RNF111: variants seen among roughly 807,000 people sequenced by gnomAD.
The protein encoded by RNF111 is E3 ubiquitin-protein ligase Arkadia.
RNF111 carries 17 observed loss-of-function variants against 95.1 expected under a neutral mutation model. The ratio of observed to expected loss-of-function variants is 0.18; its 90% CI spans 0.12 to 0.27. RNF111 has a LOEUF of 0.27. Ranked by LOEUF, RNF111 falls within the 10% of genes least tolerant of loss-of-function variation. RNF111 has a pLI of 1.00. For missense variants in RNF111, 1,189 were observed against 1,210.4 expected (o/e 0.98, Z 0.26); for synonymous variants, 440 against 414.8 (o/e 1.06, Z -0.74).
At chr15:59,077,736 A>G (rs554514685) in intron 7 of RNF111, among the ~76,000 whole-genome samples, 203 of 152,352 alleles carry the variant, frequency 1.3e-3, no homozygotes, top group Non-Finnish European at 2.7e-3. Flanking sequence ...GCTATGTCAG[A>G]GGGCTAAACT....
At chr15:59,022,891 C>G (rs1365722710) in intron 1 of RNF111, among the ~76,000 whole-genome samples, 1 of 152,172 alleles carries the variant, frequency 6.6e-6, no homozygotes. Context: ...CTGGTTAATG[C>G]AGAAGTATGA....
chr15:59,035,649 C>A (rs1464412487), intron 2 of RNF111, among the ~76,000 whole-genome samples: 1 of 152,160 alleles, frequency 6.6e-6, no homozygotes, highest in East Asian at 1.9e-4. Flanking sequence ...TTAGAAATTA[C>A]TTTTGCATAT....
chr15:58,993,909 A>C (rs540080361), intron 1 of RNF111, among the ~76,000 whole-genome samples: 1 of 152,132 alleles, frequency 6.6e-6, no homozygotes, highest in Non-Finnish European at 1.5e-5. Flanking sequence ...GAAATTCTAT[A>C]TATGGCTAGG....
Position 59,031,252 on chromosome 15 carries a change from A to T in RNF111, c.430A>T (p.Ser144Cys), listed in dbSNP as rs755908608. 6.2e-7 allele frequency: 1 copy of T among 1,614,146 alleles called. No homozygotes were observed. Among genetic ancestry groups the T allele is most frequent in the Admixed American group, 1.7e-5 (1 of 60,020 alleles). The part of the protein sequence containing the change: ...FSDCLSSPSS[S>C]LHFGDSDTVT... Reference sequence around the variant, plus strand: ...TGATTGTCTTTCTTCTCCTTCATCTAGTCTGCATTTTGGAGATTCTGATAC... The same window carrying T: ...TGATTGTCTTTCTTCTCCTTCATCTTGTCTGCATTTTGGAGATTCTGATAC... Residue 144 changes from serine (S) to cysteine (C), a missense_variant, in exon 2 of 14, where the codon AGT (serine) becomes TGT (cysteine). Around this residue, in one of 2 missense-constraint regions of RNF111, gnomAD observed 1,024 missense variants for 925.9 expected, o/e 1.11. Coordinates refer to ENST00000348370, the MANE Select transcript of RNF111 (RefSeq NM_017610.8).
Position 59,085,709 on chromosome 15 carries a change from C to T in RNF111, c.2474C>T (p.Ala825Val), listed in dbSNP as rs1413546773. Residue 825 changes from alanine (A) to valine (V), a missense_variant, in exon 10 of 14, where the codon GCA becomes GTA. Transcript: ENST00000348370. ...ACTGCAGCTACTTATACACCTGGTG[C>T]ATTGCATCCTCACTTGGCCCATTAT... ...GVTAATYTPG[A>V]LHPHLAHYHA... is the part of the protein sequence containing the mutation. 1 of 1,613,428 alleles carries T rather than the reference C, an allele frequency of 6.2e-7. No homozygotes were observed. Among genetic ancestry groups the T allele is most frequent in the East Asian group, 2.2e-5 (1 of 44,848 alleles).
intron 8 of RNF111, among the ~76,000 whole-genome samples, chr15:59,083,030 TC>T (rs1250977195): frequency 6.6e-6 from 1 of 152,092 alleles, no homozygotes; most frequent in Non-Finnish European, 1.5e-5. Context: ...ACACCTTTAG[TC>T]CCAGCTACTC....
chr15:59,017,278 G>T (rs2040113954), intron 1 of RNF111, among the ~76,000 whole-genome samples: 1 of 151,992 alleles, frequency 6.6e-6, no homozygotes, highest in Non-Finnish European at 1.5e-5. Flanking sequence ...ATTTTCCAGA[G>T]ATCGTAAATG....
At chr15:59,074,974 G>C (rs540965543) in intron 6 of RNF111, among the ~76,000 whole-genome samples, 1 of 152,246 alleles carries the variant, frequency 6.6e-6, no homozygotes, top group East Asian at 1.9e-4. Context: ...AGGAGAGCAG[G>C]GTAATGGGGA....
Position 59,018,404 on chromosome 15 carries a change from C to T in RNF111, c.-19-12400C>T, listed in dbSNP as rs2040172213. Among the ~76,000 whole-genome samples, 3 of 152,082 alleles carry T rather than the reference C, an allele frequency of 2.0e-5. No homozygotes were observed. The South Asian group carries it at 6.2e-4, about 32-fold the overall frequency. ...AGCCAAGATTCCTGTAAAAATTGTG[C>T]TTGCATATATTTGATTTGTTTGTGT... On this transcript the variant is annotated intron_variant, in intron 1 of 13. Transcript: ENST00000348370.
At chr15:59,040,445 T>C (rs964260680) in intron 2 of RNF111, among the ~76,000 whole-genome samples, 9 of 152,264 alleles carry the variant, frequency 5.9e-5, no homozygotes, top group Admixed American at 5.9e-4. Flanking sequence ...ATTTTGACTG[T>C]TTTAACAGAC....
At chr15:59,049,366 T>G (rs2041865151) in intron 2 of RNF111, 1 of 144,476 alleles carries the variant, frequency 6.9e-6, no homozygotes, top group African/African-American at 2.6e-5. Context: ...TCTTTGATTT[T>G]TTTTTTTTTT....
chr15:59,044,878 A>G (rs1174048110), intron 2 of RNF111, among the ~76,000 whole-genome samples: 1 of 152,210 alleles, frequency 6.6e-6, no homozygotes, highest in African/African-American at 2.4e-5. Flanking sequence ...GTAGATGCCA[A>G]AATGTTGCCT....
chr15:59,027,194 A>G (rs898829514), intron 1 of RNF111, among the ~76,000 whole-genome samples: 2 of 152,110 alleles, frequency 1.3e-5, no homozygotes, highest in Non-Finnish European at 2.9e-5. Flanking sequence ...TGAGGAGTCT[A>G]ATTTTTAAAT....
chr15:58,996,541 A>C (rs1368103570), intron 1 of RNF111, among the ~76,000 whole-genome samples: 1 of 151,798 alleles, frequency 6.6e-6, no homozygotes, highest in Non-Finnish European at 1.5e-5. Flanking sequence ...AGATCATGCC[A>C]CTGTACTCCA....
Position 59,031,219 on chromosome 15 carries a change from T to G in RNF111, c.397T>G (p.Ser133Ala). Residue 133 changes from serine to alanine, a missense_variant, in exon 2 of 14, where the codon TCT becomes GCT. By Grantham distance (99) the Ser-to-Ala change is moderately conservative. This residue lies in a region of RNF111 where 1,024 missense variants were observed against 925.9 expected (regional missense o/e 1.11). Transcript: ENST00000348370. Reference sequence around the variant, plus strand: ...ACCAAGTGATGAAGATAATGATTCCTCTTTTAGTGATTGTCTTTCTTCTCC... The same window carrying G: ...ACCAAGTGATGAAGATAATGATTCCGCTTTTAGTGATTGTCTTTCTTCTCC... Reference protein sequence around the residue: ...GTPSDEDNDSSFSDCLSSPSS... With the variant: ...GTPSDEDNDSAFSDCLSSPSS... The G allele has an allele frequency of 6.2e-7, 1 of 1,614,212 alleles. No individual in the cohort carries two copies. Among genetic ancestry groups the G allele is most frequent in the Non-Finnish European group, 8.5e-7 (1 of 1,180,024 alleles).
intron 1 of RNF111, among the ~76,000 whole-genome samples, chr15:59,002,663 C>T (rs1291830656): frequency 6.6e-6 from 1 of 151,992 alleles, no homozygotes; most frequent in African/African-American, 2.4e-5. Context: ...ATCTTCAGTT[C>T]CCTATAGTTC....
rs1436135754 is a variant in RNF111 at position 59,077,292 on chromosome 15, A to G, written c.1948+1077A>G. On this transcript the variant is annotated intron_variant, in intron 7 of 13. Coordinates refer to ENST00000348370, the MANE Select transcript of RNF111 (RefSeq NM_017610.8). ...TAAAAATAATATACTGAAGCAGTTTATGAGTAAGTTCATTCCTTTCAAAAT... is the reference window on the plus strand; with the variant it reads ...TAAAAATAATATACTGAAGCAGTTTGTGAGTAAGTTCATTCCTTTCAAAAT... 2.0e-5 allele frequency among the ~76,000 whole-genome samples: 3 copies of G among 152,200 alleles called. No homozygotes were observed. In the East Asian group the frequency reaches 5.8e-4, roughly 29 times the overall value.
At chr15:59,028,219 C>T (rs1295095828) in intron 1 of RNF111, among the ~76,000 whole-genome samples, 2 of 152,166 alleles carry the variant, frequency 1.3e-5, no homozygotes, top group Non-Finnish European at 2.9e-5. Context: ...TCCAGACATT[C>T]CATATAAAGG....
chr15:59,066,959 C>G lies in RNF111; in HGVS notation c.1562C>G (p.Thr521Ser). ...HFQHHHHHHHTPHPAVPVSPS... is the reference protein window; with the variant it reads ...HFQHHHHHHHSPHPAVPVSPS... The stretch of plus-strand genomic sequence containing the variant: ...CAACATCATCACCACCACCACCATA[C>G]TCCCCACCCAGCTGTCCCAGTTTCT... Residue 521 changes from threonine to serine, a missense_variant, in exon 6 of 14, where the codon ACT (threonine) becomes AGT (serine). Physicochemically the swap from Thr to Ser is moderately conservative, Grantham distance 58. Around this residue, in one of 2 missense-constraint regions of RNF111, gnomAD observed 1,024 missense variants for 925.9 expected, o/e 1.11. Coordinates refer to ENST00000348370, the MANE Select transcript of RNF111 (RefSeq NM_017610.8). 1 of 1,614,118 alleles carries G rather than the reference C, an allele frequency of 6.2e-7. No individual in the cohort carries two copies. Among genetic ancestry groups the G allele is most frequent in the East Asian group, 2.2e-5 (1 of 44,872 alleles).
Sources: allele counts gnomAD v4.1 joint callset (sites outside exome capture counted in the v4.1 genomes callset), GRCh38; gene constraint gnomAD v4.1.1; regional missense constraint gnomAD v4.1.1; transcripts MANE v1.5; gene names NCBI Gene and HGNC (gene_info 2026-07-23, HGNC 2026-07-21).